TEX9: variants seen among roughly 807,000 people sequenced by gnomAD.
TEX9 encodes the protein testis expressed 9, also known as testis-expressed protein 9.
In TEX9, 74 loss-of-function variants were observed where a neutral mutation model predicts 59.6. The ratio of observed to expected loss-of-function variants is 1.24; its 90% CI spans 1.03 to 1.51. The LOEUF is 1.51. TEX9 is among the 40% of genes most tolerant of loss of function. The pLI is 0.00. For missense variants in TEX9, 522 were observed against 447.8 expected (o/e 1.17, Z -1.49); for synonymous variants, 186 against 152.2 (o/e 1.22, Z -1.64).
At chr15:56,360,179 C>G (rs1567097211) in intron 1 of TEX9, among the ~76,000 whole-genome samples, 1 of 152,072 alleles carries the variant, frequency 6.6e-6, no homozygotes, top group African/African-American at 2.4e-5. Flanking sequence ...TGAGGGATAT[C>G]AGCTTGTAGT....
chr15:56,454,293 A>G, the TEX9 span, among the ~76,000 whole-genome samples: 1 of 152,174 alleles, frequency 6.6e-6, no homozygotes, highest in Admixed American at 6.5e-5. Flanking sequence ...TGCAATGCAT[A>G]CTAATCATAT....
At chr15:56,311,390 G>A (rs377208522) in intron 1 of TEX9, among the ~76,000 whole-genome samples, 8,948 of 138,882 alleles carry the variant, frequency 0.064, 338 homozygotes, top group Non-Finnish European at 0.094. Flanking sequence ...GAGAATATGC[G>A]GTGTTTGGTT....
At chr15:56,357,652 T>C (rs1365164) in intron 1 of TEX9, among the ~76,000 whole-genome samples, 7,363 of 152,224 alleles carry the variant, frequency 0.048, 465 homozygotes, top group African/African-American at 0.15. Context: ...TATGTTATGG[T>C]TTACTAATTA....
intron 1 of TEX9, among the ~76,000 whole-genome samples, chr15:56,254,222 G>T (rs1441258121): frequency 6.6e-6 from 1 of 152,040 alleles, no homozygotes; most frequent in Non-Finnish European, 1.5e-5. Flanking sequence ...TCAGACTTTA[G>T]AAAAACATAC....
intron 9 of TEX9, among the ~76,000 whole-genome samples, chr15:56,398,780 C>T (rs1472788631): frequency 6.6e-6 from 1 of 151,588 alleles, no homozygotes; most frequent in Non-Finnish European, 1.5e-5. Flanking sequence ...TTTTTTTTTC[C>T]CTTTGTATGG....
chr15:56,426,626 T>TACACACAC lies in TEX9; in HGVS notation c.964-975_964-968dup, dbSNP rs1186314291. On this transcript the variant is annotated intron_variant, in intron 10 of 12. Transcript: ENST00000352903. Reference sequence around the variant, plus strand: ...ATATATATATATATATATATATATATACACACACACAAACACACACACACA... The same window carrying TACACACAC: ...ATATATATATATATATATATATATATACACACACACACACACACAAACACACACACACA... Among the ~76,000 whole-genome samples, 90 of 47,184 alleles carry TACACACAC rather than the reference T, an allele frequency of 1.9e-3. 2 individuals are homozygous for TACACACAC. Among genetic ancestry groups the TACACACAC allele is most frequent in the African/African-American group, 4.2e-3 (79 of 18,856 alleles). The allele number at this position is 47,184 out of a possible 152,430, so 31.0% of individuals were successfully genotyped here. A position where few individuals can be genotyped will look rare whatever the true frequency, so the allele number is the denominator to read the frequency against.
chr15:56,420,412 G>C (rs1596227727), intron 10 of TEX9, among the ~76,000 whole-genome samples: 1 of 151,056 alleles, frequency 6.6e-6, no homozygotes, highest in African/African-American at 2.5e-5. Context: ...GGTTCAAGCG[G>C]TTCTCCTGCC....
chr15:56,446,748 A>C, downstream of TEX9: 1 of 898,662 alleles, frequency 1.1e-6, no homozygotes, highest in Non-Finnish European at 1.7e-6. Context: ...AGCAGTGTAA[A>C]TTCTTTATAC....
intron 1 of TEX9, among the ~76,000 whole-genome samples, chr15:56,300,703 GAGAGGGAGA>G (rs1567077591): frequency 1.9e-5 from 2 of 107,562 alleles, no homozygotes; most frequent in Non-Finnish European, 3.8e-5. Flanking sequence ...GAGAGAGAGA[GAGAGGGAGA>G]GAGAGAGAGA....
chr15:56,293,840 T>G (rs1341074534), intron 1 of TEX9, among the ~76,000 whole-genome samples: 1 of 152,230 alleles, frequency 6.6e-6, no homozygotes, highest in Non-Finnish European at 1.5e-5. Context: ...GACCAGAAGC[T>G]CCACATTTGG....
chr15:56,422,884 C>T (rs908337810), intron 10 of TEX9, among the ~76,000 whole-genome samples: 14 of 152,076 alleles, frequency 9.2e-5, no homozygotes, highest in African/African-American at 2.4e-4. Flanking sequence ...AGGAAGTAAA[C>T]GTCAGTAGAA....
At chr15:56,244,415 A>T (rs1252568160) in intron 1 of TEX9, 1 of 152,162 alleles carries the variant, frequency 6.6e-6, no homozygotes, top group South Asian at 2.1e-4. Flanking sequence ...CGGGCATTCA[A>T]AGCCCTCCAA....
Position 56,413,978 on chromosome 15 carries a change from A to C in TEX9, c.963+1542A>C, listed in dbSNP as rs372245603. Among the ~76,000 whole-genome samples, 3 of 151,938 alleles carry C rather than the reference A, an allele frequency of 2.0e-5. 1 individual carries two copies. The highest frequency in any genetic ancestry group is 6.5e-5 in the Admixed American group (1 of 15,268). On this transcript the variant is annotated intron_variant, in intron 10 of 12. Coordinates refer to ENST00000352903, the Ensembl canonical transcript of TEX9. ...ATCAATGATGGCATAACTGGGATTT[A>C]TTAATAGAAGTTATTACATGAACAA...
chr15:56,248,216 G>A (rs2043910107), intron 1 of TEX9, among the ~76,000 whole-genome samples: 1 of 152,164 alleles, frequency 6.6e-6, no homozygotes, highest in African/African-American at 2.4e-5. Flanking sequence ...AGGGAAGTTG[G>A]GGGGTTCAGA....
intron 2 of TEX9, among the ~76,000 whole-genome samples, chr15:56,366,805 A>G (rs561067058): frequency 6.6e-6 from 1 of 152,346 alleles, no homozygotes; most frequent in South Asian, 2.1e-4. Flanking sequence ...CATATTTGAA[A>G]TTAAAACTGA....
intron 1 of TEX9, among the ~76,000 whole-genome samples, chr15:56,313,244 C>A (rs1184100284): frequency 1.9e-5 from 2 of 103,872 alleles, no homozygotes; most frequent in Non-Finnish European, 4.0e-5. Flanking sequence ...GGGAATGCTT[C>A]CAGTTTTTGC....
the TEX9 span, among the ~76,000 whole-genome samples, chr15:56,457,639 T>G: frequency 6.6e-6 from 1 of 151,908 alleles, no homozygotes; most frequent in African/African-American, 2.4e-5. Flanking sequence ...CTGGGCAACA[T>G]AGAGAGGTGC....
intron 11 of TEX9, 152 bp downstream of exon 11, chr15:56,427,891 CATTT>C (rs755274820): frequency 2.5e-4 from 151 of 601,262 alleles, no homozygotes; most frequent in Non-Finnish European, 3.4e-4. Context: ...TGAAATCTAA[CATTT>C]ATAGTGAGAT....
intron 1 of TEX9, among the ~76,000 whole-genome samples, chr15:56,284,650 T>C (rs1057264614): frequency 3.3e-5 from 5 of 152,204 alleles, no homozygotes; most frequent in Non-Finnish European, 4.4e-5. Context: ...CAAACATGCC[T>C]CTTTACCAGT....
Sources: allele counts gnomAD v4.1 joint callset (sites outside exome capture counted in the v4.1 genomes callset), GRCh38; gene constraint gnomAD v4.1.1; transcripts MANE v1.5; gene names NCBI Gene and HGNC (gene_info 2026-07-23, HGNC 2026-07-21).